The following CRYZL1 variants were observed in gnomAD, a reference collection of about 807,000 sequenced individuals.
The protein encoded by CRYZL1 is crystallin zeta like 1.
In CRYZL1, 34 loss-of-function variants were observed where a neutral mutation model predicts 50.6. That is an observed-to-expected ratio of 0.67 (90% CI 0.51 to 0.89). CRYZL1 has a LOEUF of 0.89. Among genes scored for constraint, CRYZL1 ranks in the 40% least tolerant of loss-of-function variants. The pLI is 0.00. For synonymous variants in CRYZL1, 125 were observed against 134.3 expected (o/e 0.93, Z 0.48); for missense variants, 354 against 402.3 (o/e 0.88, Z 1.03).
chr21:33,627,173 C>T (rs989704181), intron 2 of CRYZL1, among the ~76,000 whole-genome samples: 9 of 152,152 alleles, frequency 5.9e-5, no homozygotes. Flanking sequence ...TTTTTTGAGA[C>T]AGGGTCTTGC....
intron 5 of CRYZL1, among the ~76,000 whole-genome samples, chr21:33,615,157 T>C (rs1329508942): frequency 2.1e-3 from 119 of 57,910 alleles, no homozygotes; most frequent in East Asian, 0.013. Flanking sequence ...TTTCTCTCTT[T>C]TTTTTTTTTT....
intron 11 of CRYZL1, among the ~76,000 whole-genome samples, chr21:33,592,119 T>C (rs547018468): frequency 1.3e-5 from 2 of 151,806 alleles, no homozygotes; most frequent in East Asian, 3.9e-4. Context: ...TTTTTTTTAT[T>C]GTCGTATTAT....
intron 11 of CRYZL1, among the ~76,000 whole-genome samples, chr21:33,594,337 AT>A (rs1601324631): frequency 6.8e-6 from 1 of 147,378 alleles, no homozygotes; most frequent in East Asian, 2.0e-4. Flanking sequence ...TTTTTTTGGT[AT>A]TTTTAATAGA....
At chr21:33,599,108 C>G (rs766465927) in intron 9 of CRYZL1, 42 bp downstream of exon 9, 5 of 1,580,800 alleles carry the variant, frequency 3.2e-6, no homozygotes, top group Non-Finnish European at 2.6e-6. Context: ...ATTCATCAAA[C>G]TAAAAAAACT....
intron 4 of CRYZL1, 182 bp from the exon 5 acceptor site, chr21:33,616,932 C>T (rs1278950783): frequency 4.7e-6 from 2 of 427,484 alleles, no homozygotes; most frequent in African/African-American, 4.1e-5. Context: ...ATATACAGCA[C>T]TTCAAATCTG....
At chr21:33,606,404 T>A (rs1312446963) in intron 6 of CRYZL1, among the ~76,000 whole-genome samples, 32 of 149,406 alleles carry the variant, frequency 2.1e-4, no homozygotes, top group Non-Finnish European at 1.5e-5. Context: ...GGTAGGCAGA[T>A]CACCTGAGGT....
intron 5 of CRYZL1, among the ~76,000 whole-genome samples, chr21:33,615,335 G>A (rs2099308716): frequency 6.6e-6 from 1 of 151,720 alleles, no homozygotes; most frequent in Admixed American, 6.6e-5. Context: ...TATTTTTTAT[G>A]TAGAGTCGAG....
intron 7 of CRYZL1, 108 bp downstream of exon 7, chr21:33,603,296 C>A: frequency 7.4e-7 from 1 of 1,353,948 alleles, no homozygotes. Context: ...AAAAGTCAAT[C>A]AATAAGCTAT....
At chr21:33,630,129 G>A (rs1323791551) in intron 2 of CRYZL1, among the ~76,000 whole-genome samples, 2 of 152,092 alleles carry the variant, frequency 1.3e-5, no homozygotes, top group Non-Finnish European at 2.9e-5. Flanking sequence ...ACCACAGGAA[G>A]ATATCCCCTC....
At chr21:33,640,067 C>G in intron 1 of CRYZL1, 2 of 1,392,166 alleles carry the variant, frequency 1.4e-6, no homozygotes, top group Non-Finnish European at 1.9e-6. Flanking sequence ...CTCAAGTGAT[C>G]CACCCGCCTA....
chr21:33,640,587 T>C lies in CRYZL1; in HGVS notation c.-7+1094A>G, dbSNP rs1345009307. 3.3e-5 allele frequency among the ~76,000 whole-genome samples: 5 copies of C among 152,162 alleles called. No individual in the cohort carries two copies. In the East Asian group the frequency reaches 9.6e-4, roughly 29 times the overall value. ...ATCATACTTTCAGAAATGTTGGCTATTTTGACTATTATTTCTGTAAATTGG... is the reference window on the plus strand; with the variant it reads ...ATCATACTTTCAGAAATGTTGGCTACTTTGACTATTATTTCTGTAAATTGG... On this transcript the variant is annotated intron_variant, in intron 1 of 12. Coordinates refer to ENST00000381554, the MANE Select transcript of CRYZL1 (RefSeq NM_145858.3).
intron 1 of CRYZL1, chr21:33,639,936 CT>C (rs1356485688): frequency 5.8e-6 from 2 of 347,376 alleles, no homozygotes; most frequent in African/African-American, 4.3e-5. Flanking sequence ...AGCAATTCTC[CT>C]GCCTCAGCCT....
intron 2 of CRYZL1, among the ~76,000 whole-genome samples, chr21:33,627,242 C>A (rs2087077568): frequency 6.6e-6 from 1 of 152,146 alleles, no homozygotes; most frequent in South Asian, 2.1e-4. Context: ...CCTTGACCTA[C>A]ACAGGTGGGT....
chr21:33,639,555 C>T (rs1017645095), intron 1 of CRYZL1, among the ~76,000 whole-genome samples: 2 of 152,174 alleles, frequency 1.3e-5, no homozygotes, highest in African/African-American at 4.8e-5. Context: ...CTCTACCACA[C>T]AACAGTTACT....
intron 6 of CRYZL1, among the ~76,000 whole-genome samples, chr21:33,608,250 T>C (rs892171317): frequency 6.6e-6 from 1 of 151,726 alleles, no homozygotes; most frequent in African/African-American, 2.4e-5. Context: ...AGGTCAGGAG[T>C]TCGAGACGGG....
At chr21:33,631,606 T>C (rs1378164755) in intron 1 of CRYZL1, 49 bp from the exon 2 acceptor site, 2 of 1,238,092 alleles carry the variant, frequency 1.6e-6, no homozygotes, top group African/African-American at 1.6e-5. Context: ...TCTTCCAGAC[T>C]AAATGTAAGC....
chr21:33,610,336 T>C (rs2086858739), intron 6 of CRYZL1, among the ~76,000 whole-genome samples: 1 of 151,976 alleles, frequency 6.6e-6, no homozygotes, highest in East Asian at 2.0e-4. Context: ...ATTTTTTATA[T>C]TTTTAGTAGA....
At chr21:33,626,305 T>C (rs1201587113) in intron 2 of CRYZL1, among the ~76,000 whole-genome samples, 1 of 152,062 alleles carries the variant, frequency 6.6e-6, no homozygotes, top group African/African-American at 2.4e-5. Context: ...TTCCTTAACA[T>C]GTGCCTTGGG....
intron 6 of CRYZL1, among the ~76,000 whole-genome samples, chr21:33,612,227 T>C (rs2086879514): frequency 6.6e-6 from 1 of 152,126 alleles, no homozygotes; most frequent in Non-Finnish European, 1.5e-5. Context: ...TGTACCAACT[T>C]ACACTCCAGC....
Sources: allele counts gnomAD v4.1 joint callset (sites outside exome capture counted in the v4.1 genomes callset), GRCh38; gene constraint gnomAD v4.1.1; transcripts MANE v1.5; gene names NCBI Gene and HGNC (gene_info 2026-07-23, HGNC 2026-07-21).